Variants in TLL1 observed in about 807,000 individuals in gnomAD.
The protein encoded by TLL1 is tolloid like 1.
A neutral mutation model predicts 128.2 loss-of-function variants in TLL1; 49 were observed. The observed-to-expected ratio is 0.38, with a 90% CI of 0.30 to 0.48. The LOEUF is 0.48. TLL1 is among the 20% of genes least tolerant of loss of function. The probability of loss-of-function intolerance (pLI) is 0.96; values close to 1 mark genes in which losing one functional copy is unlikely to be tolerated. For missense variants in TLL1, 1,123 were observed against 1,242.0 expected, an observed-to-expected ratio of 0.90 and a Z score of 1.44; for synonymous variants, 454 against 418.8, an observed-to-expected ratio of 1.08 and a Z score of -1.03.
chr4:166,090,424 A>G (rs1400107204), intron 18 of TLL1, among the ~76,000 whole-genome samples: 1 of 152,104 alleles, frequency 6.6e-6, no homozygotes, highest in Admixed American at 6.6e-5. Context: ...AGTCACACAG[A>G]TGAAAATTAC....
intron 17 of TLL1, among the ~76,000 whole-genome samples, chr4:166,075,214 G>A (rs1046024600): frequency 2.6e-5 from 4 of 152,224 alleles, no homozygotes; most frequent in Non-Finnish European, 5.9e-5. Flanking sequence ...GAGTAGCTTT[G>A]TATAGCAGAC....
chr4:165,979,017 C>T (rs770132197), intron 1 of TLL1, among the ~76,000 whole-genome samples: 1 of 151,792 alleles, frequency 6.6e-6, no homozygotes, highest in Non-Finnish European at 1.5e-5. Flanking sequence ...GTCCAAGGGT[C>T]TTTGGGGTTT....
intron 1 of TLL1, among the ~76,000 whole-genome samples, chr4:165,886,980 G>A (rs1264355170): frequency 6.6e-6 from 1 of 152,166 alleles, no homozygotes; most frequent in African/African-American, 2.4e-5. Flanking sequence ...AAAAGTTGAA[G>A]CTGTGAAAGT....
intron 5 of TLL1, among the ~76,000 whole-genome samples, chr4:166,001,841 A>G (rs1349458064): frequency 1.3e-5 from 2 of 152,106 alleles, no homozygotes; most frequent in Non-Finnish European, 2.9e-5. Flanking sequence ...ATAAATATCA[A>G]TCAATTGATG....
chr4:166,094,165 T>C (rs1333017675), intron 19 of TLL1, among the ~76,000 whole-genome samples: 1 of 152,134 alleles, frequency 6.6e-6, no homozygotes, highest in East Asian at 1.9e-4. Flanking sequence ...GATATTTGAA[T>C]CCTCAAAAGA....
intron 17 of TLL1, among the ~76,000 whole-genome samples, chr4:166,076,168 G>A (rs72976327): frequency 7.4e-4 from 112 of 152,200 alleles, no homozygotes; most frequent in African/African-American, 2.6e-3. Context: ...GACCTCCCAG[G>A]CTTAAGCAAT....
intron 6 of TLL1, among the ~76,000 whole-genome samples, chr4:166,006,496 A>G (rs1415094852): frequency 6.6e-6 from 1 of 151,784 alleles, no homozygotes; most frequent in African/African-American, 2.4e-5. Flanking sequence ...CTGGTCCCAT[A>G]TTAAGTTCTA....
chr4:166,021,030 A>ATTTATG (rs1560816540), intron 8 of TLL1, among the ~76,000 whole-genome samples: 1 of 152,200 alleles, frequency 6.6e-6, no homozygotes, highest in African/African-American at 2.4e-5. Flanking sequence ...TTCAACACAC[A>ATTTATG]TGGAGTCTGA....
chr4:165,994,856 G>A (rs1355425896), intron 4 of TLL1, among the ~76,000 whole-genome samples: 3 of 152,160 alleles, frequency 2.0e-5, no homozygotes, highest in Non-Finnish European at 4.4e-5. Flanking sequence ...CATATTTGTA[G>A]AGATAGTGAG....
intron 1 of TLL1, among the ~76,000 whole-genome samples, chr4:165,964,179 G>T (rs1229127163): frequency 6.6e-6 from 1 of 152,058 alleles, no homozygotes; most frequent in Non-Finnish European, 1.5e-5. Flanking sequence ...AGACTGTCTG[G>T]GTTTGAATCT....
At position 165,996,845 on chromosome 4, in the gene TLL1, CTA is replaced by C. The variant is rs751063462; in HGVS notation, c.632+1676_632+1677del. Among the ~76,000 whole-genome samples the C allele has an allele frequency of 2.5e-4, 37 of 149,306 alleles. 1 individual carries two copies. The highest frequency in any genetic ancestry group is 3.7e-4 in the Non-Finnish European group (25 of 67,452). On this transcript the variant is annotated intron_variant, in intron 5 of 20. Transcript: ENST00000061240. ...ATATAGTATTAATTAATATATACAT[CTA>C]TATATATAATTCATATAATGTGATA...
At chr4:165,936,166 A>C (rs1300568054) in intron 1 of TLL1, among the ~76,000 whole-genome samples, 1 of 149,770 alleles carries the variant, frequency 6.7e-6, no homozygotes, top group South Asian at 2.1e-4. Flanking sequence ...ACTATAATTA[A>C]AATAATTAGA....
chr4:165,989,168 C>T (rs182162275), intron 1 of TLL1, among the ~76,000 whole-genome samples: 100 of 152,102 alleles, frequency 6.6e-4, no homozygotes, highest in Non-Finnish European at 1.0e-3. Context: ...TCTCCACAAG[C>T]AACAATGTAA....
intron 19 of TLL1, among the ~76,000 whole-genome samples, chr4:166,097,724 A>G (rs1468769816): frequency 6.6e-6 from 1 of 152,120 alleles, no homozygotes; most frequent in Non-Finnish European, 1.5e-5. Flanking sequence ...CTGCCTAACC[A>G]TCTTCACTAA....
chr4:165,992,977 TATG>T, intron 3 of TLL1, 93 bp downstream of exon 3: 1 of 1,059,378 alleles, frequency 9.4e-7, no homozygotes, highest in Middle Eastern at 2.0e-4. Flanking sequence ...AGTGTGCCAT[TATG>T]ATGTGAAGTA....
At chr4:166,007,807 T>C in intron 6 of TLL1, 136 bp from the exon 7 acceptor site, 1 of 685,776 alleles carries the variant, frequency 1.5e-6, no homozygotes, top group South Asian at 1.5e-5. Flanking sequence ...TGCATGTGCC[T>C]GTGTGTTTTG....
chr4:165,919,557 A>G (rs1217591210), intron 1 of TLL1, among the ~76,000 whole-genome samples: 2 of 151,652 alleles, frequency 1.3e-5, no homozygotes, highest in African/African-American at 4.9e-5. Context: ...TGTGTATTCC[A>G]TAATTATTTG....
intron 1 of TLL1, among the ~76,000 whole-genome samples, chr4:165,957,471 ATT>A (rs35706378): frequency 1.3e-4 from 19 of 150,226 alleles, no homozygotes; most frequent in East Asian, 2.0e-4. Context: ...GAAATTCTGG[ATT>A]TTTTTTTTTA....
At chr4:165,959,386 A>C (rs984349662) in intron 1 of TLL1, among the ~76,000 whole-genome samples, 2 of 151,946 alleles carry the variant, frequency 1.3e-5, no homozygotes, top group East Asian at 1.9e-4. Context: ...CTTTTATTTC[A>C]TTGAGCAGTG....
Sources: allele counts gnomAD v4.1 joint callset (sites outside exome capture counted in the v4.1 genomes callset), GRCh38; gene constraint gnomAD v4.1.1; transcripts MANE v1.5; gene names NCBI Gene and HGNC (gene_info 2026-07-23, HGNC 2026-07-21).